The following EFHD1 variants were observed in gnomAD, a reference collection of about 807,000 sequenced individuals.
EFHD1 encodes the protein EF-hand domain-containing protein D1.
EFHD1 carries 10 observed loss-of-function variants against 17.2 expected under a neutral mutation model. The observed-to-expected ratio is 0.58, with a 90% CI of 0.36 to 0.99. The LOEUF (loss-of-function observed/expected upper bound fraction) is 0.99. Ranked by LOEUF, EFHD1 falls within the 50% of genes least tolerant of loss-of-function variation. The pLI is 0.01. For synonymous variants in EFHD1, 153 were observed against 142.0 expected (o/e 1.08, Z -0.55); for missense variants, 310 against 327.5 (o/e 0.95, Z 0.41).
Position 232,633,954 on chromosome 2 carries a change from T to C in EFHD1, c.250T>C (p.Phe84Leu). The change falls in exon 1 of 4, where the codon TTC (phenylalanine) becomes CTC (leucine). Residue 84 changes from phenylalanine (F) to leucine (L), a missense_variant. Transcript: ENST00000264059. ...CAGGGTCTTCAACCCCTACACGGAG[T>C]TCCCGGAGTTCAGCCGCCGCCTCAT... Reference protein sequence around the residue: ...RCRVFNPYTEFPEFSRRLIKD... With the variant: ...RCRVFNPYTELPEFSRRLIKD... 6.3e-7 allele frequency: 1 copy of C among 1,597,222 alleles called. No individual in the cohort carries two copies. The highest frequency in any genetic ancestry group is 8.5e-7 in the Non-Finnish European group (1 of 1,179,102).
intron 3 of EFHD1, among the ~76,000 whole-genome samples, chr2:232,673,207 A>T (rs755479700): frequency 1.5e-4 from 23 of 152,200 alleles, no homozygotes; most frequent in Non-Finnish European, 2.8e-4. Context: ...AAGTGCCACA[A>T]TGACACAGAG....
At chr2:232,632,930 T>C (rs1694229851), upstream of EFHD1, among the ~76,000 whole-genome samples, 1 of 152,262 alleles carries the variant, frequency 6.6e-6, no homozygotes, top group Non-Finnish European at 1.5e-5. Flanking sequence ...TTTCTTCTCT[T>C]TTCTTGTGCG....
intron 1 of EFHD1, among the ~76,000 whole-genome samples, chr2:232,624,928 C>T (rs1032098799): frequency 3.9e-5 from 6 of 152,184 alleles, no homozygotes; most frequent in African/African-American, 1.4e-4. Flanking sequence ...TGATGCCCCT[C>T]CTGGTCATTT....
At chr2:232,655,868 A>T (rs1172407428) in intron 1 of EFHD1, among the ~76,000 whole-genome samples, 2 of 143,894 alleles carry the variant, frequency 1.4e-5, no homozygotes, top group Non-Finnish European at 3.0e-5. Flanking sequence ...GTGCAGTGGC[A>T]CGACCTCGGC....
chr2:232,653,255 A>G (rs1694692044), intron 1 of EFHD1, among the ~76,000 whole-genome samples: 2 of 151,870 alleles, frequency 1.3e-5, no homozygotes, highest in South Asian at 4.2e-4. Context: ...GGCCTCCCAA[A>G]ATGCTAGGAT....
At chr2:232,656,068 A>C (rs1054645181) in intron 1 of EFHD1, among the ~76,000 whole-genome samples, 4 of 151,492 alleles carry the variant, frequency 2.6e-5, no homozygotes, top group African/African-American at 9.7e-5. Context: ...GGCCTCCCAA[A>C]GTGCTGGGAT....
At chr2:232,668,242 A>C (rs1243590699) in intron 2 of EFHD1, among the ~76,000 whole-genome samples, 1 of 152,246 alleles carries the variant, frequency 6.6e-6, no homozygotes, top group Non-Finnish European at 1.5e-5. Flanking sequence ...AACAAAATTA[A>C]ATGGAAATGT....
intron 3 of EFHD1, among the ~76,000 whole-genome samples, chr2:232,673,907 C>CT (rs11409819): frequency 0.19 from 22,304 of 119,964 alleles, 2,792 homozygotes; most frequent in East Asian, 0.36. Flanking sequence ...AAGACTTCTT[C>CT]TTTTTTTTTT....
intron 3 of EFHD1, among the ~76,000 whole-genome samples, chr2:232,676,135 A>G (rs1190637158): frequency 2.6e-5 from 4 of 152,020 alleles, no homozygotes; most frequent in Non-Finnish European, 5.9e-5. Flanking sequence ...AGATCAGGCC[A>G]TTGCACTCCA....
At chr2:232,606,719 TA>T (rs34085504) in intron 1 of EFHD1, 13,899 of 101,766 alleles carry the variant, frequency 0.14, 827 homozygotes, top group South Asian at 0.22. Context: ...CCGTCTCTAC[TA>T]AAAAAAAAAA....
intron 1 of EFHD1, among the ~76,000 whole-genome samples, chr2:232,653,439 C>T (rs1186147768): frequency 5.3e-5 from 8 of 152,102 alleles, no homozygotes; most frequent in Non-Finnish European, 7.3e-5. Flanking sequence ...TACAGGCACG[C>T]GCCACCAGGT....
chr2:232,681,725 C>T lies in EFHD1; in HGVS notation c.*6C>T, dbSNP rs1477935340. ...AGGCCAACTTCAATACATAGTCCTGCTGACCTTGCCCTCTGCCCACAGCTG... is the reference window on the plus strand; with the variant it reads ...AGGCCAACTTCAATACATAGTCCTGTTGACCTTGCCCTCTGCCCACAGCTG... On this transcript the variant is annotated 3_prime_UTR_variant, in exon 4 of 4. Coordinates refer to ENST00000264059, the MANE Select transcript of EFHD1 (RefSeq NM_025202.4). The T allele has an allele frequency of 1.2e-6, 2 of 1,613,194 alleles. No individual in the cohort carries two copies. Among genetic ancestry groups the T allele is most frequent in the East Asian group, 4.5e-5 (2 of 44,804 alleles).
At chr2:232,663,120 T>C (rs766079040) in intron 2 of EFHD1, among the ~76,000 whole-genome samples, 171 bp downstream of exon 2, 108 of 152,308 alleles carry the variant, frequency 7.1e-4, no homozygotes, top group Middle Eastern at 6.8e-3. Flanking sequence ...ACCCCAGTGC[T>C]GGCCTGGAAA....
At chr2:232,614,302 GCCTGCCTCT>G (rs1693879121) in intron 1 of EFHD1, among the ~76,000 whole-genome samples, 2 of 152,012 alleles carry the variant, frequency 1.3e-5, no homozygotes, top group South Asian at 4.2e-4. Context: ...CCCTGAGTGT[GCCTGCCTCT>G]CCTGCCTCTC....
At chr2:232,614,031 C>G (rs1426878281) in intron 1 of EFHD1, among the ~76,000 whole-genome samples, 2 of 134,334 alleles carry the variant, frequency 1.5e-5, no homozygotes, top group Non-Finnish European at 3.3e-5. Flanking sequence ...AATACACACA[C>G]AAACATACAC....
chr2:232,645,207 A>G (rs1260401066), intron 1 of EFHD1, among the ~76,000 whole-genome samples: 1 of 152,090 alleles, frequency 6.6e-6, no homozygotes, highest in African/African-American at 2.4e-5. Flanking sequence ...GCATCCTTCC[A>G]GGCCAGGCAG....
intron 1 of EFHD1, among the ~76,000 whole-genome samples, chr2:232,624,350 G>T (rs1040872357): frequency 6.6e-6 from 1 of 152,184 alleles, no homozygotes; most frequent in Admixed American, 6.5e-5. Flanking sequence ...GCCACAGGGG[G>T]CTTTGGGAAC....
intron 1 of EFHD1, among the ~76,000 whole-genome samples, chr2:232,627,034 CTCTATATATATA>C (rs1181961139): frequency 7.8e-5 from 5 of 64,186 alleles, no homozygotes; most frequent in African/African-American, 2.4e-4. Flanking sequence ...CTCTCTCTCT[CTCTATATATATA>C]TATATATATA....
chr2:232,628,008 T>G (rs893827522), intron 1 of EFHD1, among the ~76,000 whole-genome samples: 1 of 152,188 alleles, frequency 6.6e-6, no homozygotes, highest in Admixed American at 6.6e-5. Context: ...GGAAGAAACA[T>G]GGAATGAAGA....
Sources: allele counts gnomAD v4.1 joint callset (sites outside exome capture counted in the v4.1 genomes callset), GRCh38; gene constraint gnomAD v4.1.1; transcripts MANE v1.5; gene names NCBI Gene and HGNC (gene_info 2026-07-23, HGNC 2026-07-21).